Variants in HERC1 observed in about 807,000 individuals in gnomAD.
The protein encoded by HERC1 is probable E3 ubiquitin-protein ligase HERC1.
HERC1 carries 160 observed loss-of-function variants against 554.3 expected under a neutral mutation model. The ratio of observed to expected loss-of-function variants is 0.29; its 90% confidence interval spans 0.25 to 0.33. HERC1 has a LOEUF of 0.33. HERC1 is among the 10% of genes least tolerant of loss of function. HERC1 has a pLI of 1.00. For missense variants in HERC1, 4,919 were observed against 5,918.5 expected, an observed-to-expected ratio of 0.83 and a Z score of 5.54; for synonymous variants, 2,175 against 2,131.7, an observed-to-expected ratio of 1.02 and a Z score of -0.56.
chr15:63,647,931 G>A, intron 55 of HERC1, 138 bp downstream of exon 55: 1 of 694,874 alleles, frequency 1.4e-6, no homozygotes, highest in Non-Finnish European at 2.4e-6. Flanking sequence ...GATTATGAGA[G>A]ATTACTTGAT....
intron 61 of HERC1, among the ~76,000 whole-genome samples, chr15:63,639,943 T>TC (rs2068962126): frequency 6.6e-6 from 1 of 152,174 alleles, no homozygotes; most frequent in Admixed American, 6.5e-5. Flanking sequence ...TTACAAGAGT[T>TC]CAACAGTGCT....
chr15:63,622,048 TTC>T (rs1478259536), intron 74 of HERC1, among the ~76,000 whole-genome samples: 2 of 152,222 alleles, frequency 1.3e-5, no homozygotes, highest in East Asian at 1.9e-4. Flanking sequence ...TGCGTAATCA[TTC>T]TGTTTTTAAT....
At chr15:63,789,784 C>G (rs1371584294) in intron 1 of HERC1, among the ~76,000 whole-genome samples, 1 of 135,038 alleles carries the variant, frequency 7.4e-6, no homozygotes, top group Non-Finnish European at 1.7e-5. Context: ...CCTGGGCGAC[C>G]AAGCGAGCCC....
intron 48 of HERC1, among the ~76,000 whole-genome samples, chr15:63,657,036 G>T (rs766903759): frequency 9.2e-5 from 14 of 152,106 alleles, no homozygotes; most frequent in Admixed American, 2.0e-4. Flanking sequence ...ATTTCTGTTG[G>T]ATATATACCC....
At position 63,708,612 on chromosome 15, in the gene HERC1, A is replaced by G. The variant is rs528718089; in HGVS notation, c.4585-1781T>C. On this transcript the variant is annotated intron_variant, in intron 24 of 77. Transcript: ENST00000443617. ...TATTCTCTGTTTTAGCAAGCAGAGA[A>G]TAACAGTAGATAACACGTCATATAA... Among the ~76,000 whole-genome samples the G allele has an allele frequency of 3.9e-5, 6 of 152,346 alleles. No individual in the cohort carries two copies. In the South Asian group the frequency reaches 1.2e-3, roughly 32 times the overall value.
At chr15:63,829,559 GTGTATATATATATA>G (rs1173158786) in intron 1 of HERC1, among the ~76,000 whole-genome samples, 37 of 94,678 alleles carry the variant, frequency 3.9e-4, no homozygotes, top group African/African-American at 1.2e-3. Flanking sequence ...GTGTGTGTGT[GTGTATATATATATA>G]TATATATATA....
At chr15:63,641,756 A>C (rs904175749) in intron 59 of HERC1, 113 bp from the exon 60 acceptor site, 2 of 823,350 alleles carry the variant, frequency 2.4e-6, no homozygotes, top group South Asian at 4.9e-5. Flanking sequence ...TGCTTTTTGG[A>C]TATTTTATAT....
intron 1 of HERC1, among the ~76,000 whole-genome samples, chr15:63,811,205 T>C (rs1202593215): frequency 6.6e-6 from 1 of 152,230 alleles, no homozygotes; most frequent in Non-Finnish European, 1.5e-5. Flanking sequence ...ATTAATGTTA[T>C]TTTCCATCGG....
intron 76 of HERC1, among the ~76,000 whole-genome samples, chr15:63,614,033 T>C (rs2067711589): frequency 6.6e-6 from 1 of 152,094 alleles, no homozygotes; most frequent in Non-Finnish European, 1.5e-5. Context: ...GCTGGCTGCT[T>C]GGAGATGGCA....
chr15:63,657,922 C>A (rs1481044080), intron 48 of HERC1, among the ~76,000 whole-genome samples: 1 of 152,148 alleles, frequency 6.6e-6, no homozygotes, highest in East Asian at 1.9e-4. Flanking sequence ...GAACCACTGT[C>A]ATAAATCAAA....
chr15:63,724,739 T>C (rs2073970017), intron 18 of HERC1, among the ~76,000 whole-genome samples: 1 of 152,202 alleles, frequency 6.6e-6, no homozygotes, highest in Admixed American at 6.5e-5. Context: ...GGGTACCAGA[T>C]AAGTCTTCAT....
chr15:63,739,063 C>T (rs758279238), intron 12 of HERC1, among the ~76,000 whole-genome samples: 3 of 151,532 alleles, frequency 2.0e-5, no homozygotes, highest in Non-Finnish European at 4.4e-5. Flanking sequence ...GGTTTTTAGT[C>T]TATTCAGAGT....
chr15:63,832,117 A>G (rs2078175670), intron 1 of HERC1, among the ~76,000 whole-genome samples: 1 of 152,210 alleles, frequency 6.6e-6, no homozygotes, highest in Admixed American at 6.5e-5. Context: ...CAACCTCCCT[A>G]GATATCTCAT....
At chr15:63,638,279 A>G (rs906056434) in intron 63 of HERC1, 132 bp downstream of exon 63, 1 of 945,176 alleles carries the variant, frequency 1.1e-6, no homozygotes, top group Admixed American at 2.6e-5. Context: ...AAAGCTATAT[A>G]TCATGACTTT....
chr15:63,788,064 A>C (rs1406627595), intron 1 of HERC1, among the ~76,000 whole-genome samples: 1 of 152,168 alleles, frequency 6.6e-6, no homozygotes, highest in Non-Finnish European at 1.5e-5. Flanking sequence ...CATTTAAAGA[A>C]TAGGAAGTAG....
intron 1 of HERC1, among the ~76,000 whole-genome samples, chr15:63,798,703 T>C (rs950929582): frequency 3.3e-5 from 5 of 152,210 alleles, no homozygotes; most frequent in African/African-American, 4.8e-5. Flanking sequence ...AGGAATGGAT[T>C]CCACCTTATT....
intron 71 of HERC1, 100 bp downstream of exon 71, chr15:63,625,885 C>A (rs2068281740): frequency 8.1e-7 from 1 of 1,240,034 alleles, no homozygotes; most frequent in Middle Eastern, 1.9e-4. Flanking sequence ...AAAGAATTTT[C>A]CAAAGGCAGA....
chr15:63,686,860 T>C (rs1255883404), intron 33 of HERC1, among the ~76,000 whole-genome samples: 1 of 152,184 alleles, frequency 6.6e-6, no homozygotes, highest in Non-Finnish European at 1.5e-5. Context: ...CAAAAGGAGA[T>C]GACTTCTAAG....
In HERC1 at chr15:63,609,061, G is replaced by A; in HGVS notation, c.*20C>T. 1 of 1,603,506 alleles carries A rather than the reference G, an allele frequency of 6.2e-7. No homozygotes were observed. Among genetic ancestry groups the A allele is most frequent in the South Asian group, 1.1e-5 (1 of 89,722 alleles). ...GAGCATTATTGAGGGAGAGAAGGGA[G>A]GGTGAGAGCACCCGCACGGTCAGTA... On this transcript the variant is annotated 3_prime_UTR_variant, in exon 78 of 78. Coordinates refer to ENST00000443617, the MANE Select transcript of HERC1 (RefSeq NM_003922.4).
Sources: gnomAD v4.1 joint callset for allele counts (sites outside exome capture counted in the v4.1 genomes callset) on GRCh38, gnomAD v4.1.1 for gene constraint, MANE v1.5 for transcripts, NCBI Gene and HGNC (gene_info 2026-07-23, HGNC 2026-07-21) for gene names.